PCDHGB2: variants seen among roughly 807,000 people sequenced by gnomAD.
PCDHGB2 encodes the protein protocadherin gamma-B2.
PCDHGB2 carries 55 observed loss-of-function variants against 59.3 expected under a neutral mutation model. That is an observed-to-expected ratio of 0.93 (90% CI 0.75 to 1.16). PCDHGB2 has a LOEUF of 1.16. Ranked by LOEUF, PCDHGB2 falls within the 50% of genes most tolerant of loss-of-function variation. The pLI is 0.00. For missense variants in PCDHGB2, 1,228 were observed against 1,198.5 expected (o/e 1.02, Z -0.36); for synonymous variants, 516 against 512.0 (o/e 1.01, Z -0.11).
At chr5:141,372,341 A>G (rs1382612317) in intron 1 of PCDHGB2, 1 of 1,613,800 alleles carries the variant, frequency 6.2e-7, no homozygotes, top group Non-Finnish European at 8.5e-7. Context: ...TGCGTGATGG[A>G]GGACAGCAGC....
At chr5:141,502,552 T>C (rs1217408446) in intron 2 of PCDHGB2, among the ~76,000 whole-genome samples, 1 of 152,146 alleles carries the variant, frequency 6.6e-6, no homozygotes, top group Non-Finnish European at 1.5e-5. Context: ...AAAAACAGTG[T>C]CCCAGATCTC....
chr5:141,505,602 A>G lies in PCDHGB2; in HGVS notation c.2569+121A>G, dbSNP rs1041288927. 4.6e-5 allele frequency: 71 copies of G among 1,534,990 alleles called. 1 individual carries two copies. In the Admixed American group the frequency reaches 1.4e-3, roughly 30 times the overall value. On this transcript the variant is annotated intron_variant, in intron 3 of 3. Coordinates refer to ENST00000522605, the MANE Select transcript of PCDHGB2 (RefSeq NM_018923.3). ...GTGTAGTTTCTCCAGATCTTTCGGC[A>G]GGTCTGAAAGGACCCACAATTCCAA...
chr5:141,366,586 CTA>C, intron 1 of PCDHGB2: 1 of 1,614,262 alleles, frequency 6.2e-7, no homozygotes, highest in Non-Finnish European at 8.5e-7. Flanking sequence ...TCCTGCAGAC[CTA>C]TTCCCACGAG....
At position 141,489,378 on chromosome 5, in the gene PCDHGB2, G is replaced by A. The variant is rs1562129701; in HGVS notation, c.2422-5429G>A. ...AGTCTGAGCCGGGGACGCTGGTGGGGAATGTTGCTCAGGATCTGGGCTTAA... is the reference window on the plus strand; with the variant it reads ...AGTCTGAGCCGGGGACGCTGGTGGGAAATGTTGCTCAGGATCTGGGCTTAA... On this transcript the variant is annotated intron_variant, in intron 1 of 3. Coordinates refer to ENST00000522605, the MANE Select transcript of PCDHGB2 (RefSeq NM_018923.3). The surrounding 1 kb of genome is among the most constrained non-coding windows in gnomAD (Gnocchi z 4.5). 1.2e-6 allele frequency: 2 copies of A among 1,613,908 alleles called. No homozygotes were observed. The highest frequency in any genetic ancestry group is 3.3e-5 in the Admixed American group (2 of 60,026).
chr5:141,490,098 T>C lies in PCDHGB2; in HGVS notation c.2422-4709T>C, dbSNP rs774132407. On this transcript the variant is annotated intron_variant, in intron 1 of 3. Transcript: ENST00000522605. The surrounding 1 kb of genome is among the most constrained non-coding windows in gnomAD (Gnocchi z 5.4). ...ACTATTCTTTTGGAGACCACACATCTGAGGCAGTGCGGAACCTCTTTGGCC... is the reference window on the plus strand; with the variant it reads ...ACTATTCTTTTGGAGACCACACATCCGAGGCAGTGCGGAACCTCTTTGGCC... The C allele has an allele frequency of 6.2e-7, 1 of 1,614,260 alleles. No homozygotes were observed. The highest frequency in any genetic ancestry group is 8.5e-7 in the Non-Finnish European group (1 of 1,180,038).
At chr5:141,420,327 A>G in intron 1 of PCDHGB2, 1 of 1,425,478 alleles carries the variant, frequency 7.0e-7, no homozygotes, top group South Asian at 1.5e-5. Context: ...ATGCCAATAT[A>G]TTCCAATATA....
chr5:141,361,037 T>C lies in PCDHGB2; in HGVS notation c.902T>C (p.Ile301Thr). The C allele has an allele frequency of 6.2e-7, 1 of 1,613,390 alleles. No individual in the cohort carries two copies. The highest frequency in any genetic ancestry group is 8.5e-7 in the Non-Finnish European group (1 of 1,179,594). ...AACTTAAATGAAAAAACAGGAGAAA[T>C]CACGACAAAGGATGATTTGGATTTT... ...FFNLNEKTGE[I>T]TTKDDLDFEI... is the part of the protein sequence containing the mutation. Residue 301 changes from isoleucine to threonine, a missense_variant, in exon 1 of 4, where the codon ATC (isoleucine) becomes ACC (threonine). Transcript: ENST00000522605.
At chr5:141,371,773 A>G (rs148367405) in intron 1 of PCDHGB2, 2 of 1,614,020 alleles carry the variant, frequency 1.2e-6, no homozygotes, top group African/African-American at 1.3e-5. Flanking sequence ...TACACCGTGC[A>G]TGTAGCTGAG....
At chr5:141,375,223 C>T in intron 1 of PCDHGB2, 4 of 1,613,982 alleles carry the variant, frequency 2.5e-6, no homozygotes, top group Non-Finnish European at 3.4e-6. Flanking sequence ...GCCTGAATGG[C>T]CTGGTAACCT....
intron 1 of PCDHGB2, chr5:141,364,493 G>A (rs1480199754): frequency 4.3e-6 from 7 of 1,614,018 alleles, no homozygotes; most frequent in Non-Finnish European, 5.9e-6. Flanking sequence ...CCTTGGGCTG[G>A]AGCCCCAGGA....
At chr5:141,475,571 G>A (rs1426547386) in intron 1 of PCDHGB2, among the ~76,000 whole-genome samples, 1 of 152,212 alleles carries the variant, frequency 6.6e-6, no homozygotes, top group East Asian at 1.9e-4. Context: ...CTTCCAACAA[G>A]CCAGATTTGT....
At chr5:141,440,431 A>G (rs1338519888) in intron 1 of PCDHGB2, 1 of 152,222 alleles carries the variant, frequency 6.6e-6, no homozygotes, top group Non-Finnish European at 1.5e-5. Flanking sequence ...TGGGTGACAG[A>G]GCAAGGCGCC....
intron 1 of PCDHGB2, chr5:141,383,080 G>C: frequency 1.9e-6 from 3 of 1,613,930 alleles, no homozygotes; most frequent in Non-Finnish European, 2.5e-6. Context: ...GGAGCTGGCG[G>C]AGCGCGGAGT....
chr5:141,374,428 T>C, intron 1 of PCDHGB2: 1 of 1,613,952 alleles, frequency 6.2e-7, no homozygotes, highest in Admixed American at 1.7e-5. Flanking sequence ...ATAAACTGAA[T>C]CTTTATCCCG....
At position 141,490,597 on chromosome 5, in the gene PCDHGB2, C is replaced by G. The variant is rs781077720; in HGVS notation, c.2422-4210C>G. 1 of 1,614,182 alleles carries G rather than the reference C, an allele frequency of 6.2e-7. No homozygotes were observed. On this transcript the variant is annotated intron_variant, in intron 1 of 3. Transcript: ENST00000522605. This position sits in a 1 kb window ranked among gnomAD's most constrained non-coding sequence, Gnocchi z 5.4. ...TTCAGATGTCAATGACAATGCACCC[C>G]GCTTCAACCAGCAGCTTTACACTGC...
intron 1 of PCDHGB2, chr5:141,372,940 T>G: frequency 1.2e-6 from 1 of 817,644 alleles, no homozygotes; most frequent in Non-Finnish European, 1.8e-6. Flanking sequence ...TAGAGTAGGG[T>G]GTCTAGGAAA....
At chr5:141,409,324 G>C (rs759596277) in intron 1 of PCDHGB2, 1 of 1,614,000 alleles carries the variant, frequency 6.2e-7, no homozygotes, top group East Asian at 2.2e-5. Context: ...CACGGGATCT[G>C]GATTTCGGAG....
chr5:141,398,842 C>T (rs2093712910), intron 1 of PCDHGB2: 2 of 1,613,974 alleles, frequency 1.2e-6, no homozygotes, highest in Non-Finnish European at 1.7e-6. Flanking sequence ...CAATGATAAT[C>T]CCCCGGTATT....
At chr5:141,364,986 A>C (rs1223018710) in intron 1 of PCDHGB2, 1 of 1,613,768 alleles carries the variant, frequency 6.2e-7, no homozygotes. Context: ...GATGGCGGAG[A>C]CCCGGTACTC....
Sources: allele counts gnomAD v4.1 joint callset (sites outside exome capture counted in the v4.1 genomes callset), GRCh38; gene constraint gnomAD v4.1.1; non-coding constraint Gnocchi (gnomAD v3.1); transcripts MANE v1.5; gene names NCBI Gene and HGNC (gene_info 2026-07-23, HGNC 2026-07-21).